CAST: variants seen among roughly 807,000 people sequenced by gnomAD.
CAST encodes MIR583 host.
CAST carries 76 observed loss-of-function variants against 119.6 expected under a neutral mutation model. The ratio of observed to expected loss-of-function variants is 0.64; its 90% CI spans 0.53 to 0.77. The LOEUF is 0.77. Among genes scored for constraint, CAST ranks in the 30% least tolerant of loss-of-function variants. The pLI is 0.00. For missense variants in CAST, 953 were observed against 946.5 expected, an observed-to-expected ratio of 1.01 and a Z score of -0.09; for synonymous variants, 319 against 331.6, an observed-to-expected ratio of 0.96 and a Z score of 0.41.
chr5:96,285,309 T>G, the CAST span, among the ~76,000 whole-genome samples: 1 of 152,094 alleles, frequency 6.6e-6, no homozygotes, highest in Non-Finnish European at 1.5e-5. Flanking sequence ...TGATAAGTAG[T>G]GTGAAGAAAA....
chr5:96,760,088 A>G (rs1188184406), intron 24 of CAST, among the ~76,000 whole-genome samples: 2 of 152,066 alleles, frequency 1.3e-5, no homozygotes, highest in Non-Finnish European at 2.9e-5. Context: ...CTTATGTGGC[A>G]TAAATATGTC....
At chr5:96,740,842 G>T in intron 13 of CAST, 59 bp downstream of exon 13, 1 of 1,069,094 alleles carries the variant, frequency 9.4e-7, no homozygotes, top group South Asian at 1.3e-5. Flanking sequence ...TTGGCTGGGG[G>T]AACAGGGCTA....
intron 1 of CAST, among the ~76,000 whole-genome samples, chr5:96,663,380 G>T (rs1052443952): frequency 6.6e-6 from 1 of 152,216 alleles, no homozygotes; most frequent in Non-Finnish European, 1.5e-5. Context: ...GAGCGCGCCC[G>T]AGCGTGCGCG....
intron 1 of CAST, among the ~76,000 whole-genome samples, chr5:96,576,138 G>A (rs562614120): frequency 6.6e-6 from 1 of 152,116 alleles, no homozygotes; most frequent in East Asian, 1.9e-4. Flanking sequence ...GGAAATTTTT[G>A]TCTAATTTCA....
chr5:96,183,699 G>T, the CAST span, among the ~76,000 whole-genome samples: 1 of 152,198 alleles, frequency 6.6e-6, no homozygotes, highest in South Asian at 2.1e-4. Flanking sequence ...TAATTTTGGG[G>T]AGTCGCATTT....
chr5:96,311,570 G>A, the CAST span, among the ~76,000 whole-genome samples: 3 of 151,798 alleles, frequency 2.0e-5, no homozygotes, highest in African/African-American at 4.8e-5. Flanking sequence ...ATATATTTAG[G>A]TGTTCCACTG....
At chr5:95,999,293 C>G in the CAST span, among the ~76,000 whole-genome samples, 7 of 152,098 alleles carry the variant, frequency 4.6e-5, no homozygotes, top group African/African-American at 1.4e-4. Flanking sequence ...TCATCCATGA[C>G]ATAACATTTA....
chr5:96,123,507 A>C, the CAST span, among the ~76,000 whole-genome samples: 2 of 152,286 alleles, frequency 1.3e-5, no homozygotes, highest in South Asian at 4.1e-4. Context: ...CATTATTGGC[A>C]TGCATTTTAA....
the CAST span, among the ~76,000 whole-genome samples, chr5:96,281,276 A>G: frequency 6.6e-6 from 1 of 152,304 alleles, no homozygotes; most frequent in South Asian, 2.1e-4. Context: ...TTAACTGAAA[A>G]ACTCAAAAGG....
intron 1 of CAST, among the ~76,000 whole-genome samples, chr5:96,550,497 C>T (rs263383): frequency 0.34 from 51,268 of 152,016 alleles, 9,298 homozygotes; most frequent in Middle Eastern, 0.46. Context: ...AAAACCAGAA[C>T]GCCTCTTCTC....
chr5:96,211,201 GGTGA>G, the CAST span, among the ~76,000 whole-genome samples: 1 of 151,836 alleles, frequency 6.6e-6, no homozygotes, highest in African/African-American at 2.4e-5. Context: ...CAGTAATATG[GGTGA>G]GTAAGAGTGA....
the CAST span, among the ~76,000 whole-genome samples, chr5:96,441,231 G>A: frequency 1.3e-5 from 2 of 152,232 alleles, no homozygotes; most frequent in South Asian, 2.1e-4. Context: ...TGGACAGAGA[G>A]ATGATTTCAA....
At chr5:96,645,485 G>A (rs952490531) in intron 1 of CAST, among the ~76,000 whole-genome samples, 2 of 151,924 alleles carry the variant, frequency 1.3e-5, no homozygotes, top group African/African-American at 2.4e-5. Context: ...TATTTTATTC[G>A]TTTCAAACAT....
the CAST span, among the ~76,000 whole-genome samples, chr5:95,984,764 T>G: frequency 6.6e-6 from 1 of 152,198 alleles, no homozygotes. Context: ...TAGATACAAG[T>G]ACTGAGTACT....
At chr5:96,245,209 AG>A in the CAST span, among the ~76,000 whole-genome samples, 1 of 152,228 alleles carries the variant, frequency 6.6e-6, no homozygotes, top group Non-Finnish European at 1.5e-5. Flanking sequence ...AAAGTGTAAA[AG>A]TTTTTTCTTT....
the CAST span, among the ~76,000 whole-genome samples, chr5:96,296,656 A>C: frequency 6.6e-6 from 1 of 152,350 alleles, no homozygotes; most frequent in African/African-American, 2.4e-5. Context: ...AGATAAACCA[A>C]GAATCTTGTG....
chr5:96,090,020 C>T, the CAST span, among the ~76,000 whole-genome samples: 2 of 152,088 alleles, frequency 1.3e-5, no homozygotes, highest in Non-Finnish European at 2.9e-5. Context: ...TCCCAGTGTG[C>T]TAATCTTATT....
At position 96,730,861 on chromosome 5, in the gene CAST, G is replaced by T. The variant is rs769797970; in HGVS notation, c.630+1G>T. The T allele has an allele frequency of 6.2e-7, 1 of 1,609,738 alleles. No homozygotes were observed. Among genetic ancestry groups the T allele is most frequent in the South Asian group, 1.1e-5 (1 of 90,996 alleles). ...AATATCTGGCAAGCCGGGTGACAAG[G>T]TGAGCACACACAAGCAGACGGAAAC... is the stretch of plus-strand genomic sequence containing the variant. On this transcript the variant is annotated splice_donor_variant, in intron 9 of 31. Transcript: ENST00000675179. LOFTEE classifies it high-confidence loss of function.
the CAST span, among the ~76,000 whole-genome samples, chr5:96,306,706 A>T: frequency 6.6e-6 from 1 of 152,274 alleles, no homozygotes; most frequent in African/African-American, 2.4e-5. Context: ...TTTATTATTT[A>T]CACAGTAGTC....
Sources: gnomAD v4.1 joint callset for allele counts (sites outside exome capture counted in the v4.1 genomes callset) on GRCh38, gnomAD v4.1.1 for gene constraint, MANE v1.5 for transcripts, NCBI Gene and HGNC (gene_info 2026-07-23, HGNC 2026-07-21) for gene names.